Variants in TENM2 observed in about 807,000 individuals in gnomAD.
TENM2 encodes the protein teneurin-2.
A neutral mutation model predicts 245.2 loss-of-function variants in TENM2; 52 were observed. That is an observed-to-expected ratio of 0.21 (90% CI 0.17 to 0.27). The LOEUF (loss-of-function observed/expected upper bound fraction) is 0.27, where lower values mean the gene tolerates loss of function less well. TENM2 is among the 10% of genes least tolerant of loss of function. The pLI, the probability that TENM2 is intolerant of heterozygous loss-of-function variation, is 1.00. For missense variants in TENM2, 3,046 were observed against 3,666.8 expected, an observed-to-expected ratio of 0.83 and a Z score of 4.37; for synonymous variants, 1,363 against 1,438.9, an observed-to-expected ratio of 0.95 and a Z score of 1.19.
At chr5:167,697,311 T>A (rs748051517) in intron 2 of TENM2, among the ~76,000 whole-genome samples, 3 of 152,184 alleles carry the variant, frequency 2.0e-5, no homozygotes, top group Non-Finnish European at 4.4e-5. Context: ...TAGAAATAGT[T>A]CCTCCGATTT....
chr5:166,993,551 A>G, the TENM2 span, among the ~76,000 whole-genome samples: 1 of 152,142 alleles, frequency 6.6e-6, no homozygotes, highest in Non-Finnish European at 1.5e-5. Context: ...CCTCAGTTAG[A>G]TATTTTGTTC....
chr5:168,203,566 A>G, intron 17 of TENM2, 123 bp from the exon 20 acceptor site: 1 of 955,122 alleles, frequency 1.0e-6, no homozygotes, highest in Non-Finnish European at 1.5e-6. Context: ...TCTTTGAGTG[A>G]GTTTTTGGAA....
At chr5:167,574,104 T>C (rs1474605216) in intron 2 of TENM2, 1 of 152,128 alleles carries the variant, frequency 6.6e-6, no homozygotes, top group Admixed American at 6.6e-5. Flanking sequence ...GAGAAAGGCA[T>C]CCGCAGCAGA....
At chr5:167,857,746 T>C (rs1324123381) in intron 2 of TENM2, among the ~76,000 whole-genome samples, 1 of 152,244 alleles carries the variant, frequency 6.6e-6, no homozygotes, top group African/African-American at 2.4e-5. Flanking sequence ...TTACACATAC[T>C]GCATTAAAAT....
chr5:167,840,100 C>T (rs752908971), intron 2 of TENM2, among the ~76,000 whole-genome samples: 11 of 152,226 alleles, frequency 7.2e-5, no homozygotes, highest in Non-Finnish European at 1.3e-4. Flanking sequence ...GGATTACAGG[C>T]GTGAGCCACC....
rs1437587032 is a variant in TENM2 at position 167,776,593 on chromosome 5, G to GGAAAAAAAAAAA, written c.503-99393_503-99392insGAAAAAAAAAAA. On this transcript the variant is annotated intron_variant, in intron 2 of 28. Coordinates refer to ENST00000518659, the Ensembl canonical transcript of TENM2. Reference sequence around the variant, plus strand: ...TTGGGCAGCAGATGAGACCCTGTCTGAAAAAAAAAAAAAAAAAAAAAAAAA... The same window carrying GGAAAAAAAAAAA: ...TTGGGCAGCAGATGAGACCCTGTCTGGAAAAAAAAAAAAAAAAAAAAAAAAAAAAAAAAAAAA... Among the ~76,000 whole-genome samples the GGAAAAAAAAAAA allele has an allele frequency of 5.8e-4, 21 of 36,020 alleles. 4 individuals carry two copies. The highest frequency in any genetic ancestry group is 1.8e-3 in the African/African-American group (21 of 11,436). The allele number at this position is 36,020 out of a possible 152,430, so 23.6% of individuals were successfully genotyped here.
intron 25 of TENM2, among the ~76,000 whole-genome samples, chr5:168,238,658 G>A (rs917428533): frequency 9.2e-5 from 14 of 152,146 alleles, no homozygotes; most frequent in African/African-American, 3.4e-4. Flanking sequence ...GGCCCAGCAG[G>A]GCCGTTTTGA....
At position 168,032,116 on chromosome 5, in the gene TENM2, C is replaced by T. The variant is rs141724987; in HGVS notation, c.1187-15311C>T. On this transcript the variant is annotated intron_variant, in intron 5 of 28. Coordinates refer to ENST00000518659, the Ensembl canonical transcript of TENM2. The stretch of plus-strand genomic sequence containing the variant: ...AGTTCAAAGCCCAGCTCTGCCACTA[C>T]TGGCAGACTAATCTTGGACAACATA... Among the ~76,000 whole-genome samples, 4 of 152,318 alleles carry T rather than the reference C, an allele frequency of 2.6e-5. 1 individual carries two copies. The South Asian group carries it at 8.3e-4, about 32-fold the overall frequency.
At chr5:167,525,679 T>C (rs73801267) in intron 2 of TENM2, among the ~76,000 whole-genome samples, 169 of 152,282 alleles carry the variant, frequency 1.1e-3, no homozygotes, top group African/African-American at 3.9e-3. Context: ...CCTGTGGTGA[T>C]TTCTCACCAG....
chr5:167,567,695 C>T (rs1483379900), intron 2 of TENM2, among the ~76,000 whole-genome samples: 1 of 152,192 alleles, frequency 6.6e-6, no homozygotes, highest in East Asian at 1.9e-4. Context: ...CATGTGCACA[C>T]ACACACAAAT....
chr5:168,044,447 T>G (rs554464550), intron 5 of TENM2, among the ~76,000 whole-genome samples: 14 of 152,286 alleles, frequency 9.2e-5, no homozygotes, highest in African/African-American at 3.4e-4. Context: ...ATCCTTCCCT[T>G]TGCAAACTAG....
At chr5:167,929,586 G>C (rs940109846) in intron 3 of TENM2, among the ~76,000 whole-genome samples, 3 of 152,056 alleles carry the variant, frequency 2.0e-5, no homozygotes, top group Non-Finnish European at 4.4e-5. Context: ...ATCACAATCA[G>C]GCTCAGGCAT....
At chr5:167,480,791 TAGCC>T (rs1236012898) in intron 2 of TENM2, among the ~76,000 whole-genome samples, 1 of 152,168 alleles carries the variant, frequency 6.6e-6, no homozygotes, top group Non-Finnish European at 1.5e-5. Flanking sequence ...AGGCCTCAAG[TAGCC>T]AGTCAGGGGA....
intron 2 of TENM2, among the ~76,000 whole-genome samples, chr5:167,647,970 A>G (rs553335283): frequency 6.6e-6 from 1 of 152,308 alleles, no homozygotes; most frequent in South Asian, 2.1e-4. Flanking sequence ...CAAGCTCTGT[A>G]AAAGCTTTGG....
the TENM2 span, among the ~76,000 whole-genome samples, chr5:167,263,477 T>G: frequency 6.6e-6 from 1 of 152,206 alleles, no homozygotes; most frequent in African/African-American, 2.4e-5. Context: ...ACTATTTTCA[T>G]CTCTGGACAG....
intron 2 of TENM2, among the ~76,000 whole-genome samples, chr5:167,629,099 T>G (rs1043199629): frequency 3.9e-5 from 6 of 152,200 alleles, no homozygotes; most frequent in African/African-American, 1.4e-4. Context: ...TTTTCCACAT[T>G]AGAAAAGTTG....
chr5:167,093,264 C>T, the TENM2 span, among the ~76,000 whole-genome samples: 782 of 152,294 alleles, frequency 5.1e-3, 7 homozygotes, highest in African/African-American at 0.017. Context: ...CAGGATTCCA[C>T]GGATACAAGA....
exon 29 of TENM2, chr5:168,262,057 A>G (rs1768238567): frequency 3.1e-6 from 5 of 1,613,520 alleles, no homozygotes; most frequent in Non-Finnish European, 3.4e-6. Context: ...AGCTCATTAC[A>G]GGTGTCCAAC....
chr5:167,970,802 G>T (rs1375938856), intron 4 of TENM2, among the ~76,000 whole-genome samples: 1 of 151,970 alleles, frequency 6.6e-6, no homozygotes, highest in East Asian at 1.9e-4. Context: ...ATACTCCAGT[G>T]AATTAATCTG....
Sources: gnomAD v4.1 joint callset for allele counts (sites outside exome capture counted in the v4.1 genomes callset) on GRCh38, gnomAD v4.1.1 for gene constraint, MANE v1.5 for transcripts, NCBI Gene and HGNC (gene_info 2026-07-23, HGNC 2026-07-21) for gene names.